MRPS11: variants seen among roughly 807,000 people sequenced by gnomAD.
MRPS11 encodes small ribosomal subunit protein uS11m.
MRPS11 carries 27 observed loss-of-function variants against 24.3 expected under a neutral mutation model. That is an observed-to-expected ratio of 1.11 (90% confidence interval 0.82 to 1.53). MRPS11 has a LOEUF of 1.53. Among genes scored for constraint, MRPS11 ranks in the 40% most tolerant of loss-of-function variants. The pLI, the probability that MRPS11 is intolerant of heterozygous loss-of-function variation, is 0.00. For synonymous variants in MRPS11, 104 were observed against 98.7 expected (o/e 1.05, Z -0.32); for missense variants, 277 against 256.5 (o/e 1.08, Z -0.55).
intron 3 of MRPS11, among the ~76,000 whole-genome samples, chr15:88,473,867 A>G (rs2055766514): frequency 6.6e-6 from 1 of 152,262 alleles, no homozygotes; most frequent in South Asian, 2.1e-4. Flanking sequence ...TCTTAATTGT[A>G]TTAATAAGTA....
At chr15:88,468,302 T>G in intron 2 of MRPS11, 1 of 1,217,852 alleles carries the variant, frequency 8.2e-7, no homozygotes, top group Non-Finnish European at 1.0e-6. Context: ...ATCAGCGTTC[T>G]TTTCTTCTGA....
In MRPS11 at chr15:88,479,275, A is replaced by G. The variant is rs1464900397; in HGVS notation, c.*1296A>G. ...CCAGAGAGTCCCCTCTTCCACAGGCAAAGACTAAGGGTGAGAGTATCACCA... is the reference window on the plus strand; with the variant it reads ...CCAGAGAGTCCCCTCTTCCACAGGCGAAGACTAAGGGTGAGAGTATCACCA... On this transcript the variant is annotated 3_prime_UTR_variant, in exon 6 of 6. Coordinates refer to ENST00000325844, the MANE Select transcript of MRPS11 (RefSeq NM_022839.5). The G allele has an allele frequency of 6.6e-6, 1 of 152,262 alleles. No individual in the cohort carries two copies. Among genetic ancestry groups the G allele is most frequent in the African/African-American group, 2.4e-5 (1 of 41,452 alleles). 9.4% of individuals were successfully genotyped at this position (152,262 alleles called of 1,614,324 possible). A position where few individuals can be genotyped will look rare whatever the true frequency, so the allele number is the denominator to read the frequency against.
At chr15:88,473,514 C>T (rs553799769) in intron 3 of MRPS11, among the ~76,000 whole-genome samples, 11 of 152,298 alleles carry the variant, frequency 7.2e-5, no homozygotes, top group African/African-American at 2.6e-4. Flanking sequence ...AAAGTGACAG[C>T]AATTGGATTT....
Position 88,475,088 on chromosome 15 carries a change from G to A in MRPS11, c.282-22G>A, listed in dbSNP as rs2055792318. ...TCCCTGAAGAAGAGTTGTATCCTAT[G>A]TGCTTCTTCTACTTTTCTCAGCACA... On this transcript the variant is annotated intron_variant, in intron 3 of 5. Coordinates refer to ENST00000325844, the MANE Select transcript of MRPS11 (RefSeq NM_022839.5). The surrounding 1 kb of genome is among the most constrained non-coding windows in gnomAD (Gnocchi z 4.1). The A allele has an allele frequency of 6.2e-7, 1 of 1,613,766 alleles. No individual in the cohort carries two copies. The highest frequency in any genetic ancestry group is 8.5e-7 in the Non-Finnish European group (1 of 1,179,870).
rs1472778163 is a variant in MRPS11, at chr15:88,472,744, A to G, written c.281+19A>G. The G allele has an allele frequency of 3.2e-6, 5 of 1,582,004 alleles. No individual in the cohort carries two copies. The East Asian group carries it at 1.1e-4, about 35-fold the overall frequency. Reference sequence around the variant, plus strand: ...ACAACAAGTAAGTGGGAAGGGAAACACTGGGCAGGTCTAGCGTGAGATTCT... The same window carrying G: ...ACAACAAGTAAGTGGGAAGGGAAACGCTGGGCAGGTCTAGCGTGAGATTCT... On this transcript the variant is annotated intron_variant, in intron 3 of 5. Transcript: ENST00000325844.
chr15:88,472,843 G>C (rs2055744110), intron 3 of MRPS11, 118 bp downstream of exon 3: 22 of 739,940 alleles, frequency 3.0e-5, no homozygotes, highest in Non-Finnish European at 4.5e-5. Flanking sequence ...AGTGCTGCAT[G>C]ATGGCGCTAA....
rs2055838383 is a variant in MRPS11 at position 88,477,116 on chromosome 15, G to C, written c.477+62G>C. On this transcript the variant is annotated intron_variant, in intron 5 of 5. Coordinates refer to ENST00000325844, the MANE Select transcript of MRPS11 (RefSeq NM_022839.5). This position sits in a 1 kb window ranked among gnomAD's most constrained non-coding sequence, Gnocchi z 5.7. ...TAGTAAGTGTGAGAATTTGGGGCTT[G>C]AGAGCAGAGTACAGGGAGAGTAGAA... 1 of 1,486,678 alleles carries C rather than the reference G, an allele frequency of 6.7e-7. No homozygotes were observed. Among genetic ancestry groups the C allele is most frequent in the Non-Finnish European group, 9.4e-7 (1 of 1,069,038 alleles). The allele number at this position is 1,486,678 out of a possible 1,614,324, so 92.1% of individuals were successfully genotyped here.
chr15:88,475,023 C>T lies in MRPS11; in HGVS notation c.282-87C>T. ...AGCAACTGAATTCCTTTTTCTTTCT[C>T]ACCCAGGCTTCTAGGGGCATAGATT... On this transcript the variant is annotated intron_variant, in intron 3 of 5. Transcript: ENST00000325844. This position sits in a 1 kb window ranked among gnomAD's most constrained non-coding sequence, Gnocchi z 4.1. 6.7e-7 allele frequency: 1 copy of T among 1,482,620 alleles called. No homozygotes were observed. Among genetic ancestry groups the T allele is most frequent in the Non-Finnish European group, 9.1e-7 (1 of 1,100,674 alleles). 91.8% of individuals were successfully genotyped at this position (1,482,620 alleles called of 1,614,324 possible). A position where few individuals can be genotyped will look rare whatever the true frequency, so the allele number is the denominator to read the frequency against.
At chr15:88,473,944 CT>C (rs1352043918) in intron 3 of MRPS11, among the ~76,000 whole-genome samples, 13 of 152,194 alleles carry the variant, frequency 8.5e-5, no homozygotes, top group East Asian at 5.8e-4. Context: ...AATCCCAGCA[CT>C]TTGGGAGGAT....
intron 2 of MRPS11, among the ~76,000 whole-genome samples, chr15:88,470,099 C>G (rs992866377): frequency 3.3e-5 from 5 of 152,102 alleles, no homozygotes; most frequent in Non-Finnish European, 7.4e-5. Flanking sequence ...GGCGGATCAC[C>G]GGGTCAGGCA....
At chr15:88,470,213 G>T (rs561430087) in intron 2 of MRPS11, among the ~76,000 whole-genome samples, 1 of 152,176 alleles carries the variant, frequency 6.6e-6, no homozygotes, top group Non-Finnish European at 1.5e-5. Flanking sequence ...TACCCAGGAC[G>T]CTGAGGCAGG....
At chr15:88,476,687 G>A (rs1285165161) in intron 4 of MRPS11, 1 of 316,222 alleles carries the variant, frequency 3.2e-6, no homozygotes, top group Non-Finnish European at 5.8e-6. Flanking sequence ...GCGCCTCATG[G>A]TCTGAAATTC....
Position 88,469,001 on chromosome 15 carries a change from C to A in MRPS11, c.182+977C>A, listed in dbSNP as rs1432006074. 6 of 146,082 alleles carry A rather than the reference C, an allele frequency of 4.1e-5. No individual in the cohort carries two copies. The highest frequency in any genetic ancestry group is 1.6e-4 in the African/African-American group (6 of 38,238). The allele number at this position is 146,082 out of a possible 1,614,324, so 9.0% of individuals were successfully genotyped here. ...CTCCAGCCTGGGTGACAGATTGAGA[C>A]TCTGTCTCAAAGAAAAAAAAAAAAA... On this transcript the variant is annotated intron_variant, in intron 2 of 5. Transcript: ENST00000325844. The surrounding 1 kb of genome is among the most constrained non-coding windows in gnomAD (Gnocchi z 4.4).
At position 88,475,543 on chromosome 15, in the gene MRPS11, C is replaced by T. The variant is rs1039326277; in HGVS notation, c.411+304C>T. On this transcript the variant is annotated intron_variant, in intron 4 of 5. Coordinates refer to ENST00000325844, the MANE Select transcript of MRPS11 (RefSeq NM_022839.5). The surrounding 1 kb of genome is among the most constrained non-coding windows in gnomAD (Gnocchi z 4.1). ...AAACCGTTAGCCAGGTCTGGTGGCA[C>T]CTGCCTGTAGTTCCAGCTACTTGGG... Among the ~76,000 whole-genome samples the T allele has an allele frequency of 2.7e-4, 41 of 152,208 alleles. 2 individuals carry two copies. Among genetic ancestry groups the T allele is most frequent in the Non-Finnish European group, 1.0e-4 (7 of 68,038 alleles).
At position 88,467,765 on chromosome 15, in the gene MRPS11, T is replaced by G; in HGVS notation, c.48T>G (p.Thr16=). 1 of 1,614,092 alleles carries G rather than the reference T, an allele frequency of 6.2e-7. No homozygotes were observed. The highest frequency in any genetic ancestry group is 8.5e-7 in the Non-Finnish European group (1 of 1,180,020). Residue 16 remains threonine (T), a synonymous_variant, in exon 1 of 6, where the codon ACT becomes ACG. Transcript: ENST00000325844. ...NAGSRFLRSW[T]WPQTAGRVVA... Reference sequence around the variant, plus strand: ...GGTCGCGGTTCCTGCGGTCCTGGACTTGGCCCCAGACAGCCGGGTAACAAA... The same window carrying G: ...GGTCGCGGTTCCTGCGGTCCTGGACGTGGCCCCAGACAGCCGGGTAACAAA...
chr15:88,477,109 G>A lies in MRPS11; in HGVS notation c.477+55G>A. On this transcript the variant is annotated intron_variant, in intron 5 of 5. Transcript: ENST00000325844. This position sits in a 1 kb window ranked among gnomAD's most constrained non-coding sequence, Gnocchi z 5.7. ...TGCCTCCTAGTAAGTGTGAGAATTT[G>A]GGGCTTGAGAGCAGAGTACAGGGAG... 6.4e-7 allele frequency: 1 copy of A among 1,555,976 alleles called. No individual in the cohort carries two copies. Among genetic ancestry groups the A allele is most frequent in the Admixed American group, 1.7e-5 (1 of 58,660 alleles).
Position 88,475,066 on chromosome 15 carries a change from C to T in MRPS11, c.282-44C>T. 1 of 1,606,796 alleles carries T rather than the reference C, an allele frequency of 6.2e-7. No individual in the cohort carries two copies. Among genetic ancestry groups the T allele is most frequent in the Non-Finnish European group, 8.5e-7 (1 of 1,175,362 alleles). The stretch of plus-strand genomic sequence containing the variant: ...CATAGATTAGCTCTCTCTTATTTCC[C>T]TGAAGAAGAGTTGTATCCTATGTGC... On this transcript the variant is annotated intron_variant, in intron 3 of 5. Coordinates refer to ENST00000325844, the MANE Select transcript of MRPS11 (RefSeq NM_022839.5). This position sits in a 1 kb window ranked among gnomAD's most constrained non-coding sequence, Gnocchi z 4.1.
At position 88,467,779 on chromosome 15, in the gene MRPS11, C is replaced by A; in HGVS notation, c.62C>A (p.Ala21Asp). ...CGGTCCTGGACTTGGCCCCAGACAG[C>A]CGGGTAACAAATGACTGCCCCCTCG... ...FLRSWTWPQT[A>D]GRVVARTPAG... The change falls in exon 1 of 6, where the codon GCC becomes GAC. Residue 21 changes from alanine to aspartate, a missense_variant. Physicochemically the swap from Ala to Asp is moderately radical, Grantham distance 126. Transcript: ENST00000325844. The A allele has an allele frequency of 6.2e-7, 1 of 1,614,104 alleles. No homozygotes were observed. Among genetic ancestry groups the A allele is most frequent in the Non-Finnish European group, 8.5e-7 (1 of 1,180,032 alleles).
At chr15:88,473,960 T>C (rs981006335) in intron 3 of MRPS11, among the ~76,000 whole-genome samples, 1 of 152,202 alleles carries the variant, frequency 6.6e-6, no homozygotes, top group Non-Finnish European at 1.5e-5. Context: ...GAGGATCACT[T>C]GAGGCCAGGA....
Sources: gnomAD v4.1 joint callset for allele counts (sites outside exome capture counted in the v4.1 genomes callset) on GRCh38, gnomAD v4.1.1 for gene constraint, Gnocchi (gnomAD v3.1) non-coding constraint, MANE v1.5 for transcripts, NCBI Gene and HGNC (gene_info 2026-07-23, HGNC 2026-07-21) for gene names.